POLA1: variants seen among roughly 807,000 people sequenced by gnomAD.
POLA1 encodes DNA polymerase alpha 1, catalytic subunit.
In POLA1, 15 loss-of-function variants were observed where a neutral mutation model predicts 124.0. The observed-to-expected ratio is 0.12, with a 90% CI of 0.08 to 0.19. POLA1 has a LOEUF of 0.19. POLA1 is among the 10% of genes least tolerant of loss of function. The pLI is 1.00. For synonymous variants in POLA1, 408 were observed against 389.4 expected (o/e 1.05, Z -0.56); for missense variants, 886 against 1,103.4 (o/e 0.80, Z 2.79).
intron 36 of POLA1, among the ~76,000 whole-genome samples, chrX:24,993,059 A>G (rs931044327): frequency 8.9e-6 from 1 of 112,405 alleles, no homozygotes; most frequent in African/African-American, 3.2e-5. Context: ...ACATATAACC[A>G]CAGGGAATCA....
At chrX:24,902,002 G>A (rs924288336) in intron 35 of POLA1, among the ~76,000 whole-genome samples, 16 of 106,909 alleles carry the variant, frequency 1.5e-4, no homozygotes, top group South Asian at 4.0e-4. Context: ...GTGCATGTGC[G>A]TGCACACACA....
At chrX:24,926,866 C>G (rs1238457691) in intron 35 of POLA1, among the ~76,000 whole-genome samples, 1 of 109,194 alleles carries the variant, frequency 9.2e-6, no homozygotes, top group African/African-American at 3.3e-5. Flanking sequence ...GAGCCTCACT[C>G]TTTTGCCCAG....
chrX:24,698,931 G>A (rs1480572361), intron 1 of POLA1, among the ~76,000 whole-genome samples: 1 of 112,270 alleles, frequency 8.9e-6, no homozygotes, highest in Admixed American at 9.5e-5. Context: ...GGGATTACAG[G>A]TGTGAGCCAC....
chrX:24,751,786 G>A (rs939718613), intron 26 of POLA1, among the ~76,000 whole-genome samples: 16 of 112,124 alleles, frequency 1.4e-4, no homozygotes, highest in African/African-American at 5.2e-4. Flanking sequence ...TATTAAAGAG[G>A]TAGGAGGAGT....
At chrX:24,984,125 T>G (rs1358729121) in intron 36 of POLA1, among the ~76,000 whole-genome samples, 1 of 112,240 alleles carries the variant, frequency 8.9e-6, no homozygotes, top group Non-Finnish European at 1.9e-5. Flanking sequence ...GTGACATAGC[T>G]TTAAATGGAT....
intron 12 of POLA1, among the ~76,000 whole-genome samples, chrX:24,725,047 C>T (rs1392074509): frequency 3.6e-5 from 4 of 111,033 alleles, no homozygotes; most frequent in African/African-American, 9.8e-5. Flanking sequence ...TTTGAATTGC[C>T]GCTGATGAGT....
intron 34 of POLA1, among the ~76,000 whole-genome samples, chrX:24,854,929 A>T (rs973047443): frequency 8.9e-6 from 1 of 112,008 alleles, no homozygotes; most frequent in Non-Finnish European, 1.9e-5. Context: ...ATAAATGTTT[A>T]TTAAATACAT....
chrX:24,914,805 A>G (rs746567467), intron 35 of POLA1, among the ~76,000 whole-genome samples: 14 of 111,591 alleles, frequency 1.3e-4, no homozygotes, highest in Non-Finnish European at 2.1e-4. Flanking sequence ...ATAGGGAAAA[A>G]GAGACTCTAT....
intron 36 of POLA1, among the ~76,000 whole-genome samples, chrX:24,972,962 A>G (rs985285199): frequency 8.9e-6 from 1 of 112,213 alleles, no homozygotes; most frequent in Non-Finnish European, 1.9e-5. Context: ...TGGCTTAGAT[A>G]TTGGAGAAGG....
chrX:24,993,000 T>C (rs2048552596), intron 36 of POLA1, among the ~76,000 whole-genome samples: 1 of 112,420 alleles, frequency 8.9e-6, no homozygotes, highest in Admixed American at 9.4e-5. Flanking sequence ...GCTACCCTTT[T>C]TTTCCATCGT....
intron 36 of POLA1, among the ~76,000 whole-genome samples, chrX:24,974,877 G>C (rs1206112598): frequency 8.9e-6 from 1 of 112,517 alleles, no homozygotes; most frequent in African/African-American, 3.2e-5. Context: ...GAGCTGGTGA[G>C]GAAGGGCTTG....
At chrX:24,746,486 G>GT (rs1359387266) in intron 24 of POLA1, among the ~76,000 whole-genome samples, 1 of 111,884 alleles carries the variant, frequency 8.9e-6, no homozygotes, top group Non-Finnish European at 1.9e-5. Flanking sequence ...TCATTTTAGA[G>GT]TTGGAAGGGA....
chrX:24,976,757 T>C (rs1330572339), intron 36 of POLA1, among the ~76,000 whole-genome samples: 1 of 112,344 alleles, frequency 8.9e-6, no homozygotes, highest in Non-Finnish European at 1.9e-5. Flanking sequence ...GTCCCTTTCC[T>C]TCCCATTTCC....
chrX:24,698,614 A>G (rs946228573), intron 1 of POLA1, among the ~76,000 whole-genome samples: 16 of 111,583 alleles, frequency 1.4e-4, no homozygotes, highest in African/African-American at 5.2e-4. Context: ...TACAGAGACC[A>G]TGTCTTTTTT....
intron 26 of POLA1, among the ~76,000 whole-genome samples, chrX:24,770,467 CG>C (rs1361759376): frequency 8.9e-6 from 1 of 111,781 alleles, no homozygotes; most frequent in African/African-American, 3.3e-5. Context: ...CAGAGAGGTA[CG>C]GGATGTCGTC....
chrX:24,730,943 G>A (rs762405410), intron 15 of POLA1, among the ~76,000 whole-genome samples: 2 of 112,489 alleles, frequency 1.8e-5, no homozygotes, highest in South Asian at 7.4e-4. Context: ...TTGATGAGGG[G>A]AAGTTTCTCT....
intron 26 of POLA1, among the ~76,000 whole-genome samples, chrX:24,803,151 A>G (rs754540525): frequency 2.7e-5 from 3 of 111,885 alleles, no homozygotes; most frequent in African/African-American, 9.7e-5. Flanking sequence ...TATGGGACCA[A>G]CAGTTGAATG....
chrX:24,861,036 C>G (rs1387151143), intron 34 of POLA1, among the ~76,000 whole-genome samples: 1 of 112,533 alleles, frequency 8.9e-6, no homozygotes, highest in East Asian at 2.8e-4. Flanking sequence ...GTTAAACTGC[C>G]AGGACCATGT....
At chrX:24,928,237 T>G (rs1473973834) in intron 35 of POLA1, among the ~76,000 whole-genome samples, 1 of 111,827 alleles carries the variant, frequency 8.9e-6, no homozygotes, top group Non-Finnish European at 1.9e-5. Context: ...GCCTGCCTAC[T>G]AATATCAGGT....
Sources: gnomAD v4.1 joint callset for allele counts (sites outside exome capture counted in the v4.1 genomes callset) on GRCh38, gnomAD v4.1.1 for gene constraint, MANE v1.5 for transcripts, NCBI Gene and HGNC (gene_info 2026-07-23, HGNC 2026-07-21) for gene names.